The following XRCC4 variants were observed in gnomAD, a reference collection of about 807,000 sequenced individuals.
XRCC4 encodes the protein DNA repair protein XRCC4.
A neutral mutation model predicts 39.1 loss-of-function variants in XRCC4; 28 were observed. The observed-to-expected ratio is 0.72, with a 90% CI of 0.53 to 0.98. The LOEUF (loss-of-function observed/expected upper bound fraction) is 0.98, where lower values mean the gene tolerates loss of function less well. Among genes scored for constraint, XRCC4 ranks in the 50% least tolerant of loss-of-function variants. XRCC4 has a pLI of 0.00. For missense variants in XRCC4, 350 were observed against 376.4 expected, an observed-to-expected ratio of 0.93 and a Z score of 0.58; for synonymous variants, 123 against 126.4, an observed-to-expected ratio of 0.97 and a Z score of 0.18.
chr5:83,173,872 G>C (rs1429983046), intron 3 of XRCC4, among the ~76,000 whole-genome samples: 1 of 152,168 alleles, frequency 6.6e-6, no homozygotes, highest in Non-Finnish European at 1.5e-5. Context: ...TTTGGGAAGA[G>C]TTTAGAACAA....
intron 7 of XRCC4, among the ~76,000 whole-genome samples, chr5:83,298,403 A>G (rs1402844963): frequency 1.3e-5 from 2 of 151,940 alleles, no homozygotes; most frequent in South Asian, 2.1e-4. Context: ...ATAGTTGTCA[A>G]TCTAAGGCTG....
chr5:83,144,521 T>C lies in XRCC4; in HGVS notation c.315+33318T>C, dbSNP rs1011016704. 2.3e-5 allele frequency among the ~76,000 whole-genome samples: 3 copies of C among 129,876 alleles called. No individual in the cohort carries two copies. The East Asian group carries it at 6.5e-4, about 28-fold the overall frequency. 85.2% of individuals were successfully genotyped at this position (129,876 alleles called of 152,430 possible). ...AGTGGACTTTTAAAAATGTTTTCTTTTTTGTTTGTTTGTTTGTTTTGTGTC... is the reference window on the plus strand; with the variant it reads ...AGTGGACTTTTAAAAATGTTTTCTTCTTTGTTTGTTTGTTTGTTTTGTGTC... On this transcript the variant is annotated intron_variant, in intron 3 of 7. Transcript: ENST00000396027.
chr5:83,278,701 T>G (rs1220995501), intron 7 of XRCC4, among the ~76,000 whole-genome samples: 2 of 151,986 alleles, frequency 1.3e-5, no homozygotes, highest in Non-Finnish European at 2.9e-5. Context: ...ATAATCAGTT[T>G]GAGGCCAGGC....
At chr5:83,129,310 G>T (rs1397078863) in intron 3 of XRCC4, among the ~76,000 whole-genome samples, 1 of 150,836 alleles carries the variant, frequency 6.6e-6, no homozygotes, top group African/African-American at 2.5e-5. Context: ...ATTTCTGAGG[G>T]CTCTGTTCTG....
chr5:83,268,470 A>T (rs902128693), intron 7 of XRCC4, among the ~76,000 whole-genome samples: 2 of 152,090 alleles, frequency 1.3e-5, no homozygotes, highest in African/African-American at 4.8e-5. Flanking sequence ...ACATCATTTC[A>T]TTTATTTCAT....
intron 7 of XRCC4, among the ~76,000 whole-genome samples, chr5:83,305,691 T>C (rs149275408): frequency 6.6e-6 from 1 of 152,270 alleles, no homozygotes; most frequent in African/African-American, 2.4e-5. Context: ...AAGTGTTTAG[T>C]TCCTAGAGGT....
chr5:83,304,544 A>T (rs1755411387), intron 7 of XRCC4, among the ~76,000 whole-genome samples: 1 of 152,182 alleles, frequency 6.6e-6, no homozygotes, highest in African/African-American at 2.4e-5. Context: ...TGGGTATTTT[A>T]TTGATGTATA....
At chr5:83,103,186 A>G (rs1376935409) in intron 1 of XRCC4, among the ~76,000 whole-genome samples, 3 of 151,720 alleles carry the variant, frequency 2.0e-5, no homozygotes, top group African/African-American at 7.3e-5. Flanking sequence ...AAATGTTCAG[A>G]TAATCATTGT....
At chr5:83,233,858 G>A (rs1752588432) in intron 6 of XRCC4, among the ~76,000 whole-genome samples, 2 of 142,016 alleles carry the variant, frequency 1.4e-5, no homozygotes, top group African/African-American at 2.7e-5. Context: ...GCTTGAGATC[G>A]CACTACTGCA....
chr5:83,161,180 G>A (rs916983465), intron 3 of XRCC4, among the ~76,000 whole-genome samples: 2 of 150,136 alleles, frequency 1.3e-5, no homozygotes, highest in African/African-American at 4.9e-5. Flanking sequence ...GTGTGATTTC[G>A]GCTCACTGCA....
intron 6 of XRCC4, among the ~76,000 whole-genome samples, chr5:83,251,326 C>T (rs908395932): frequency 2.0e-5 from 3 of 151,870 alleles, no homozygotes; most frequent in Non-Finnish European, 4.4e-5. Context: ...CAGATCAAGA[C>T]CATCCTGGCT....
chr5:83,355,704 A>G (rs1353418904), downstream of XRCC4, among the ~76,000 whole-genome samples: 1 of 152,238 alleles, frequency 6.6e-6, no homozygotes, highest in Admixed American at 6.5e-5. Context: ...CAGTGGTGTG[A>G]TCACAGCTCA....
intron 7 of XRCC4, among the ~76,000 whole-genome samples, chr5:83,330,910 C>G (rs1484116443): frequency 6.6e-6 from 1 of 151,966 alleles, no homozygotes; most frequent in Non-Finnish European, 1.5e-5. Context: ...CATAGGCAAA[C>G]AGTAAACACA....
intron 1 of XRCC4, among the ~76,000 whole-genome samples, chr5:83,082,740 T>C (rs111808042): frequency 5.3e-5 from 8 of 151,958 alleles, no homozygotes; most frequent in African/African-American, 1.9e-4. Flanking sequence ...TTTTTTTTTT[T>C]TGAGCCCTTT....
chr5:83,194,698 G>A (rs951106714), intron 3 of XRCC4, among the ~76,000 whole-genome samples: 4 of 151,998 alleles, frequency 2.6e-5, no homozygotes, highest in South Asian at 4.2e-4. Context: ...ACTCTTCTAC[G>A]GACTCAGTGC....
At chr5:83,244,755 AAG>A (rs1415479598) in intron 6 of XRCC4, among the ~76,000 whole-genome samples, 3 of 152,152 alleles carry the variant, frequency 2.0e-5, no homozygotes, top group Non-Finnish European at 4.4e-5. Flanking sequence ...AGCAGGTAGA[AAG>A]AGAGAGTGGT....
rs534324436 is a variant in XRCC4, at chr5:83,168,053, G to A, written c.316-27717G>A. 3.3e-5 allele frequency among the ~76,000 whole-genome samples: 5 copies of A among 151,912 alleles called. No homozygotes were observed. The East Asian group carries it at 5.8e-4, about 18-fold the overall frequency. Reference sequence around the variant, plus strand: ...AGAAAATAGGAAAACAAAAAATGATGGTAGATAAAAATTATTAAATCAATT... The same window carrying A: ...AGAAAATAGGAAAACAAAAAATGATAGTAGATAAAAATTATTAAATCAATT... On this transcript the variant is annotated intron_variant, in intron 3 of 7. Transcript: ENST00000396027.
At chr5:83,109,081 A>G (rs925132103) in intron 2 of XRCC4, among the ~76,000 whole-genome samples, 1 of 151,840 alleles carries the variant, frequency 6.6e-6, no homozygotes, top group African/African-American at 2.4e-5. Context: ...TTGATCATAT[A>G]AAAATATTGG....
chr5:83,264,814 G>T (rs1482178537), intron 7 of XRCC4, among the ~76,000 whole-genome samples: 1 of 152,114 alleles, frequency 6.6e-6, no homozygotes, highest in Non-Finnish European at 1.5e-5. Flanking sequence ...TTTAAAAGCA[G>T]TTGATTAATT....
Sources: gnomAD v4.1 joint callset for allele counts (sites outside exome capture counted in the v4.1 genomes callset) on GRCh38, gnomAD v4.1.1 for gene constraint, MANE v1.5 for transcripts, NCBI Gene and HGNC (gene_info 2026-07-23, HGNC 2026-07-21) for gene names.